PTPN7: variants seen among roughly 807,000 people sequenced by gnomAD.
PTPN7 encodes tyrosine-protein phosphatase non-receptor type 7.
PTPN7 carries 33 observed loss-of-function variants against 50.3 expected under a neutral mutation model. That is an observed-to-expected ratio of 0.66 (90% CI 0.50 to 0.88). The LOEUF (loss-of-function observed/expected upper bound fraction) is 0.88. Ranked by LOEUF, PTPN7 falls within the 40% of genes least tolerant of loss-of-function variation. PTPN7 has a pLI of 0.00. For synonymous variants in PTPN7, 185 were observed against 186.6 expected (o/e 0.99, Z 0.07); for missense variants, 412 against 475.4 (o/e 0.87, Z 1.24).
intron 9 of PTPN7, among the ~76,000 whole-genome samples, chr1:202,149,564 A>G (rs995991341): frequency 6.6e-6 from 1 of 152,102 alleles, no homozygotes; most frequent in Non-Finnish European, 1.5e-5. Context: ...TGCAAAGCCA[A>G]GTGGGCATTG....
chr1:202,158,487 A>C (rs1656943448), intron 2 of PTPN7, 186 bp from the exon 3 acceptor site: 2 of 576,010 alleles, frequency 3.5e-6, no homozygotes, highest in African/African-American at 3.8e-5. Flanking sequence ...CAGCCTCCAG[A>C]GTAACTGGGA....
In PTPN7 at chr1:202,153,821, G is replaced by C; in HGVS notation, c.621C>G (p.Tyr207Ter). The C allele has an allele frequency of 6.2e-7, 1 of 1,613,718 alleles. No homozygotes were observed. The highest frequency in any genetic ancestry group is 1.3e-5 in the African/African-American group (1 of 75,012). ...CATAGGTTTCCTCTTCTGTGGGCCA[G>C]TAGTGGACACATTTCTAGGAGGGAG... is the stretch of plus-strand genomic sequence containing the variant. ...LREGKEKCVH[Y>*]WPTEEETYGP... Residue 207 changes from tyrosine to a stop codon, truncating the protein, a stop_gained, in exon 7 of 10, where the codon TAC becomes TAG. Transcript: ENST00000691036. LOFTEE classifies it high-confidence loss of function.
chr1:202,159,355 C>T lies in PTPN7; in HGVS notation c.48G>A (p.Leu16=). 2 of 1,614,212 alleles carry T rather than the reference C, an allele frequency of 1.2e-6. No homozygotes were observed. Among genetic ancestry groups the T allele is most frequent in the Non-Finnish European group, 1.7e-6 (2 of 1,180,028 alleles). Residue 16 remains leucine (L), a synonymous_variant, in exon 2 of 10, where the codon TTG becomes TTA. Transcript: ENST00000691036. This position sits in a 1 kb window ranked among gnomAD's most constrained non-coding sequence, Gnocchi z 4.6. ...GCTGGGTCATGGCTGCCCCCAAAGACAAGGTCAACGGCTGTGCTCTGGAGC... is the reference window on the plus strand; with the variant it reads ...GCTGGGTCATGGCTGCCCCCAAAGATAAGGTCAACGGCTGTGCTCTGGAGC... ...GGRSRAQPLT[L]SLGAAMTQPP...
At position 202,159,420 on chromosome 1, in the gene PTPN7, G is replaced by A. The variant is rs1171989978; in HGVS notation, c.-18C>T. ...TGGACCATGCTGAGGTGGGGTGCTGGGCCCAGGGGAGGCTCACTCAGCCAT... is the reference window on the plus strand; with the variant it reads ...TGGACCATGCTGAGGTGGGGTGCTGAGCCCAGGGGAGGCTCACTCAGCCAT... On this transcript the variant is annotated 5_prime_UTR_variant, in exon 2 of 10. Transcript: ENST00000691036. This position sits in a 1 kb window ranked among gnomAD's most constrained non-coding sequence, Gnocchi z 4.6. 2.5e-6 allele frequency: 4 copies of A among 1,614,124 alleles called. No individual in the cohort carries two copies. The highest frequency in any genetic ancestry group is 3.4e-6 in the Non-Finnish European group (4 of 1,179,996).
chr1:202,151,112 C>T (rs1655959385), intron 8 of PTPN7, among the ~76,000 whole-genome samples: 1 of 152,210 alleles, frequency 6.6e-6, no homozygotes, highest in Admixed American at 6.5e-5. Flanking sequence ...CACCCCCTCA[C>T]TCTGGCCCAA....
At chr1:202,154,654 T>C (rs1656446788) in intron 5 of PTPN7, among the ~76,000 whole-genome samples, 1 of 152,232 alleles carries the variant, frequency 6.6e-6, no homozygotes. Flanking sequence ...GTAAGATATA[T>C]TGAGAGTCTA....
At position 202,159,100 on chromosome 1, in the gene PTPN7, C is replaced by G. The variant is rs562066854; in HGVS notation, c.122+181G>C. On this transcript the variant is annotated intron_variant, in intron 2 of 9. Coordinates refer to ENST00000691036, the MANE Select transcript of PTPN7 (RefSeq NM_002832.4). The surrounding 1 kb of genome is among the most constrained non-coding windows in gnomAD (Gnocchi z 4.6). The stretch of plus-strand genomic sequence containing the variant: ...GCAGGCTCATGGTTGATATGAAACT[C>G]TGTGCTCCAGACATGCAAAAGACAT... The G allele has an allele frequency of 9.9e-5, 62 of 628,662 alleles. No individual in the cohort carries two copies. The highest frequency in any genetic ancestry group is 1.5e-4 in the Non-Finnish European group (55 of 357,338). 38.9% of individuals were successfully genotyped at this position (628,662 alleles called of 1,614,324 possible). A position where few individuals can be genotyped will look rare whatever the true frequency, so the allele number is the denominator to read the frequency against.
At chr1:202,156,274 T>C (rs1422175919) in intron 4 of PTPN7, among the ~76,000 whole-genome samples, 1 of 152,210 alleles carries the variant, frequency 6.6e-6, no homozygotes, top group Non-Finnish European at 1.5e-5. Context: ...GATACAGTAT[T>C]CTATCCTTGA....
In PTPN7 at chr1:202,152,570, GGGC is replaced by G. The variant is rs1656143010; in HGVS notation, c.844_846del (p.Ala282del). The G allele has an allele frequency of 8.7e-6, 14 of 1,613,466 alleles. No homozygotes were observed. The East Asian group carries it at 3.1e-4, about 36-fold the overall frequency. Reference sequence around the variant, plus strand: ...CAGTGGACTACGATAGGCCCGGGGTGGGCGGCTGTCTCCGGGCTCTCCTCCACC... The same window carrying G: ...CAGTGGACTACGATAGGCCCGGGGTGGGCTGTCTCCGGGCTCTCCTCCACC... On this transcript the variant is annotated inframe_deletion, in exon 8 of 10. Transcript: ENST00000691036.
At chr1:202,152,904 G>A (rs1342279806) in intron 7 of PTPN7, among the ~76,000 whole-genome samples, 2 of 152,176 alleles carry the variant, frequency 1.3e-5, no homozygotes, top group African/African-American at 2.4e-5. Flanking sequence ...TCCTGGGAGA[G>A]GGGAGAGACC....
In PTPN7 at chr1:202,159,501, G is replaced by C; in HGVS notation, c.-52-47C>G. 2.5e-6 allele frequency: 4 copies of C among 1,580,812 alleles called. No homozygotes were observed. Among genetic ancestry groups the C allele is most frequent in the Non-Finnish European group, 3.5e-6 (4 of 1,159,226 alleles). On this transcript the variant is annotated intron_variant, in intron 1 of 9. Transcript: ENST00000691036. This position sits in a 1 kb window ranked among gnomAD's most constrained non-coding sequence, Gnocchi z 4.6. ...TGCTGTTCTCTGGCCTGCCTGATTG[G>C]CCAGAAGGAGGCTCCCATGCCAGGC... is the stretch of plus-strand genomic sequence containing the variant.
intron 8 of PTPN7, 140 bp from the exon 9 acceptor site, chr1:202,150,564 C>T: frequency 1.6e-6 from 1 of 643,000 alleles, no homozygotes; most frequent in Non-Finnish European, 2.7e-6. Context: ...AGGCAGGTAG[C>T]AGTACTCTGC....
rs1558317693 is a variant in PTPN7 at position 202,153,803 on chromosome 1, T to C, written c.639A>G (p.Glu213=). Residue 213 remains glutamate (E), a synonymous_variant, in exon 7 of 10, where the codon GAA becomes GAG. Transcript: ENST00000691036. ...TGCGGATCTGGAAGGGTCCATAGGT[T>C]TCCTCTTCTGTGGGCCAGTAGTGGA... ...KCVHYWPTEE[E]TYGPFQIRIQ... 6.2e-7 allele frequency: 1 copy of C among 1,614,078 alleles called. No individual in the cohort carries two copies. Among genetic ancestry groups the C allele is most frequent in the Non-Finnish European group, 8.5e-7 (1 of 1,179,952 alleles).
intron 4 of PTPN7, among the ~76,000 whole-genome samples, chr1:202,156,571 C>A (rs1351525745): frequency 6.6e-6 from 1 of 152,210 alleles, no homozygotes; most frequent in Non-Finnish European, 1.5e-5. Context: ...CCAGCCTGGT[C>A]ATGGACAGAA....
At chr1:202,156,658 A>C (rs1286354993) in intron 4 of PTPN7, among the ~76,000 whole-genome samples, 2 of 152,204 alleles carry the variant, frequency 1.3e-5, no homozygotes, top group Non-Finnish European at 2.9e-5. Context: ...GATTAGAATT[A>C]GGCCAAGAAC....
chr1:202,148,788 G>A, intron 9 of PTPN7, 89 bp from the exon 10 acceptor site: 1 of 1,051,904 alleles, frequency 9.5e-7, no homozygotes, highest in Non-Finnish European at 1.4e-6. Context: ...GGTCCTACTG[G>A]GAAAGTCCTG....
chr1:202,160,565 G>A lies in PTPN7; in HGVS notation c.-73C>T, dbSNP rs920530964. On this transcript the variant is annotated 5_prime_UTR_variant, in exon 1 of 10. Coordinates refer to ENST00000691036, the MANE Select transcript of PTPN7 (RefSeq NM_002832.4). The surrounding 1 kb of genome is among the most constrained non-coding windows in gnomAD (Gnocchi z 4.8). ...CTTACTGAAGCAGCTGTGGCCCCCAGGCTGCCTCTTGCCAGCTGTCTGTCT... is the reference window on the plus strand; with the variant it reads ...CTTACTGAAGCAGCTGTGGCCCCCAAGCTGCCTCTTGCCAGCTGTCTGTCT... The A allele has an allele frequency of 1.3e-6, 2 of 1,549,338 alleles. No homozygotes were observed. Among genetic ancestry groups the A allele is most frequent in the Non-Finnish European group, 1.7e-6 (2 of 1,146,122 alleles).
chr1:202,161,196 G>T, upstream of PTPN7: 1 of 1,122,514 alleles, frequency 8.9e-7, no homozygotes, highest in East Asian at 6.0e-5. Context: ...GCCGGGGCCA[G>T]GCCAAAAAGG....
At chr1:202,151,669 C>A (rs1033743305) in intron 8 of PTPN7, among the ~76,000 whole-genome samples, 1 of 150,912 alleles carries the variant, frequency 6.6e-6, no homozygotes, top group Non-Finnish European at 1.5e-5. Flanking sequence ...AGGCATGCGC[C>A]ACCATGTGTG....
Sources: gnomAD v4.1 joint callset for allele counts (sites outside exome capture counted in the v4.1 genomes callset) on GRCh38, gnomAD v4.1.1 for gene constraint, Gnocchi (gnomAD v3.1) non-coding constraint, MANE v1.5 for transcripts, NCBI Gene and HGNC (gene_info 2026-07-23, HGNC 2026-07-21) for gene names.